KHDRBS2: variants seen among roughly 807,000 people sequenced by gnomAD.
The protein encoded by KHDRBS2 is KH RNA binding domain containing, signal transduction associated 2.
Under a neutral mutation model 44.3 loss-of-function variants are expected in KHDRBS2, and 26 were observed. That is an observed-to-expected ratio of 0.59 (90% CI 0.43 to 0.81). The LOEUF is 0.81. Among genes scored for constraint, KHDRBS2 ranks in the 40% least tolerant of loss-of-function variants. The probability of loss-of-function intolerance (pLI) is 0.00; values close to 1 mark genes in which losing one functional copy is unlikely to be tolerated. For missense variants in KHDRBS2, 476 were observed against 433.1 expected (o/e 1.10, Z -0.88); for synonymous variants, 194 against 151.1 (o/e 1.28, Z -2.08).
At chr6:61,666,629 G>T in the KHDRBS2 span, among the ~76,000 whole-genome samples, 1 of 151,394 alleles carries the variant, frequency 6.6e-6, no homozygotes, top group Non-Finnish European at 1.5e-5. Flanking sequence ...TCAGAAACTT[G>T]TGTCGAATTT....
intron 6 of KHDRBS2, among the ~76,000 whole-genome samples, chr6:61,752,680 A>AG (rs1243482224): frequency 1.9e-5 from 2 of 105,598 alleles, no homozygotes; most frequent in African/African-American, 8.7e-5. Context: ...ACAAAAAAAA[A>AG]AAAAAAAAAA....
In KHDRBS2 at chr6:62,047,553, C is replaced by T. The variant is rs186933634; in HGVS notation, c.336+325G>A. 2.2e-3 allele frequency among the ~76,000 whole-genome samples: 340 copies of T among 151,396 alleles called. 3 individuals are homozygous for T. Among genetic ancestry groups the T allele is most frequent in the Admixed American group, 5.2e-3 (79 of 15,188 alleles). ...GATTGAAGAAAGAAAAAGGAACCAG[C>T]GAGGGAATTAAAGAAAATGAACACA... On this transcript the variant is annotated intron_variant, in intron 3 of 8. Coordinates refer to ENST00000281156, the MANE Select transcript of KHDRBS2 (RefSeq NM_152688.4).
intron 8 of KHDRBS2, among the ~76,000 whole-genome samples, chr6:61,687,289 A>C (rs1766922976): frequency 6.6e-6 from 1 of 151,494 alleles, no homozygotes; most frequent in Non-Finnish European, 1.5e-5. Flanking sequence ...AACTTTTATC[A>C]CTCTTTCAAA....
intron 1 of KHDRBS2, among the ~76,000 whole-genome samples, chr6:62,235,244 A>AT: frequency 6.6e-6 from 1 of 151,876 alleles, no homozygotes; most frequent in East Asian, 1.9e-4. Flanking sequence ...TCTGTTTTAT[A>AT]TTTATCTCTC....
At chr6:61,623,189 C>T in the KHDRBS2 span, among the ~76,000 whole-genome samples, 1 of 152,108 alleles carries the variant, frequency 6.6e-6, no homozygotes, top group Non-Finnish European at 1.5e-5. Flanking sequence ...ATCCCTTGCT[C>T]AGTTCCTGAA....
At chr6:61,718,481 A>G (rs1388397793) in intron 7 of KHDRBS2, among the ~76,000 whole-genome samples, 5 of 152,056 alleles carry the variant, frequency 3.3e-5, no homozygotes, top group Non-Finnish European at 7.4e-5. Context: ...GATCTTTTCA[A>G]TTTGCTGTCC....
At chr6:61,557,125 T>G in the KHDRBS2 span, among the ~76,000 whole-genome samples, 8 of 152,146 alleles carry the variant, frequency 5.3e-5, no homozygotes, top group African/African-American at 1.9e-4. Flanking sequence ...ACCCCAGAGA[T>G]CTGCAGCTGC....
chr6:62,029,784 C>G (rs1360147478), intron 3 of KHDRBS2, among the ~76,000 whole-genome samples: 3 of 151,864 alleles, frequency 2.0e-5, no homozygotes, highest in Non-Finnish European at 4.4e-5. Context: ...GCAAGTGAAG[C>G]ACTTATATAA....
chr6:62,056,751 C>T lies in KHDRBS2; in HGVS notation c.220-8757G>A, dbSNP rs539144421. On this transcript the variant is annotated intron_variant, in intron 2 of 8. Coordinates refer to ENST00000281156, the MANE Select transcript of KHDRBS2 (RefSeq NM_152688.4). Reference sequence around the variant, plus strand: ...AACATCAAACTCAGAAATACCAAGTCATCCAAAGTGATGTCTCCACCAGGA... The same window carrying T: ...AACATCAAACTCAGAAATACCAAGTTATCCAAAGTGATGTCTCCACCAGGA... Among the ~76,000 whole-genome samples the T allele has an allele frequency of 3.3e-5, 5 of 152,056 alleles. No homozygotes were observed. In the South Asian group the frequency reaches 1.0e-3, roughly 32 times the overall value.
intron 4 of KHDRBS2, among the ~76,000 whole-genome samples, chr6:61,922,845 GA>G (rs1400043018): frequency 6.6e-6 from 1 of 152,048 alleles, no homozygotes; most frequent in Non-Finnish European, 1.5e-5. Context: ...AATATTTATA[GA>G]AATAAATATG....
At chr6:62,044,705 C>G (rs1423761203) in intron 3 of KHDRBS2, among the ~76,000 whole-genome samples, 1 of 151,756 alleles carries the variant, frequency 6.6e-6, no homozygotes, top group Non-Finnish European at 1.5e-5. Context: ...CACAAGGAGC[C>G]CCTCATGTGG....
chr6:62,230,662 T>G (rs2150158821), intron 1 of KHDRBS2, among the ~76,000 whole-genome samples: 2 of 152,264 alleles, frequency 1.3e-5, no homozygotes, highest in South Asian at 4.1e-4. Flanking sequence ...AATGTTTAAT[T>G]ATTACTATCT....
chr6:62,233,174 T>C (rs778247052), intron 1 of KHDRBS2, among the ~76,000 whole-genome samples: 1 of 152,174 alleles, frequency 6.6e-6, no homozygotes, highest in Non-Finnish European at 1.5e-5. Context: ...GAGGCTCAGA[T>C]GCCAGAGGAA....
intron 2 of KHDRBS2, among the ~76,000 whole-genome samples, chr6:62,080,637 C>T (rs1165184835): frequency 6.6e-6 from 1 of 152,048 alleles, no homozygotes; most frequent in Non-Finnish European, 1.5e-5. Flanking sequence ...AATTATTGTT[C>T]TAGATCATCT....
At chr6:62,123,356 C>T (rs1252252075) in intron 2 of KHDRBS2, among the ~76,000 whole-genome samples, 3 of 152,184 alleles carry the variant, frequency 2.0e-5, no homozygotes, top group Non-Finnish European at 4.4e-5. Flanking sequence ...CCGTAATAAA[C>T]ATATGTGTGC....
intron 1 of KHDRBS2, among the ~76,000 whole-genome samples, chr6:62,185,970 A>C (rs897621113): frequency 6.6e-6 from 1 of 152,014 alleles, no homozygotes; most frequent in African/African-American, 2.4e-5. Flanking sequence ...AAGTCACTTA[A>C]GCTTTCTGGA....
intron 2 of KHDRBS2, among the ~76,000 whole-genome samples, chr6:62,123,262 T>C (rs1393735897): frequency 1.3e-5 from 2 of 152,202 alleles, no homozygotes; most frequent in Admixed American, 6.5e-5. Flanking sequence ...TATTCCATGG[T>C]GTATATGTGC....
chr6:61,853,594 C>T (rs1442666528), intron 6 of KHDRBS2, among the ~76,000 whole-genome samples: 2 of 152,152 alleles, frequency 1.3e-5, no homozygotes, highest in Non-Finnish European at 2.9e-5. Flanking sequence ...CAGCATTTGC[C>T]ATTTGACATG....
chr6:61,576,476 C>G, the KHDRBS2 span, among the ~76,000 whole-genome samples: 85 of 152,118 alleles, frequency 5.6e-4, 3 homozygotes, highest in South Asian at 0.017. Flanking sequence ...GTGGAGGAGT[C>G]TTTAGGCTTT....
Sources: gnomAD v4.1 joint callset for allele counts (sites outside exome capture counted in the v4.1 genomes callset) on GRCh38, gnomAD v4.1.1 for gene constraint, MANE v1.5 for transcripts, NCBI Gene and HGNC (gene_info 2026-07-23, HGNC 2026-07-21) for gene names.